GNAQ: variants seen among roughly 807,000 people sequenced by gnomAD.
GNAQ encodes the protein G protein subunit alpha q.
Under a neutral mutation model 43.9 loss-of-function variants are expected in GNAQ, and 8 were observed. The ratio of observed to expected loss-of-function variants is 0.18; its 90% confidence interval spans 0.11 to 0.33. The LOEUF (loss-of-function observed/expected upper bound fraction) is 0.33. GNAQ is among the 10% of genes least tolerant of loss of function. GNAQ has a pLI of 1.00. For missense variants in GNAQ, 158 were observed against 450.8 expected, an observed-to-expected ratio of 0.35 and a Z score of 5.88; for synonymous variants, 155 against 170.7, an observed-to-expected ratio of 0.91 and a Z score of 0.71.
At chr9:77,836,083 A>C (rs1827379733) in intron 2 of GNAQ, among the ~76,000 whole-genome samples, 1 of 152,214 alleles carries the variant, frequency 6.6e-6, no homozygotes, top group Non-Finnish European at 1.5e-5. Context: ...GGCCAAAATA[A>C]CCAATCCAGA....
intron 2 of GNAQ, among the ~76,000 whole-genome samples, chr9:77,915,120 T>C (rs1226759190): frequency 1.3e-5 from 2 of 152,320 alleles, no homozygotes; most frequent in East Asian, 1.9e-4. Flanking sequence ...ATTTTAGAGG[T>C]TGTCTAGTAC....
intron 5 of GNAQ, among the ~76,000 whole-genome samples, chr9:77,775,577 A>AT (rs917718831): frequency 2.0e-4 from 30 of 149,704 alleles, no homozygotes; most frequent in Non-Finnish European, 3.6e-4. Context: ...GCCCAGCTAA[A>AT]TTTTTTTTTG....
chr9:77,943,631 T>A lies in GNAQ; in HGVS notation c.137-21286A>T, dbSNP rs1005980274. 4.7e-5 allele frequency among the ~76,000 whole-genome samples: 7 copies of A among 149,370 alleles called. No homozygotes were observed. In the East Asian group the frequency reaches 9.9e-4, roughly 21 times the overall value. On this transcript the variant is annotated intron_variant, in intron 1 of 6. Coordinates refer to ENST00000286548, the MANE Select transcript of GNAQ (RefSeq NM_002072.5). Reference sequence around the variant, plus strand: ...CTACTACACAAATTGGAAAAAAAAATAAAGTACCTTTATCCTGGAAGTAAC... The same window carrying A: ...CTACTACACAAATTGGAAAAAAAAAAAAAGTACCTTTATCCTGGAAGTAAC...
chr9:77,751,003 C>A (rs1825802616), intron 5 of GNAQ, among the ~76,000 whole-genome samples: 1 of 152,132 alleles, frequency 6.6e-6, no homozygotes, highest in Non-Finnish European at 1.5e-5. Flanking sequence ...AAGTGGAGAC[C>A]CAGCACTGCT....
At chr9:77,973,007 A>G (rs1823256376) in intron 1 of GNAQ, among the ~76,000 whole-genome samples, 1 of 140,594 alleles carries the variant, frequency 7.1e-6, no homozygotes, top group Admixed American at 7.0e-5. Context: ...ACATTTAAAA[A>G]AGAAAGGAAA....
At chr9:77,920,239 T>C (rs1455625038) in intron 2 of GNAQ, among the ~76,000 whole-genome samples, 1 of 152,314 alleles carries the variant, frequency 6.6e-6, no homozygotes, top group East Asian at 1.9e-4. Context: ...CTTTAACATC[T>C]ACATGACTGT....
chr9:77,812,538 CCAG>C (rs1253658146), intron 3 of GNAQ, among the ~76,000 whole-genome samples: 1 of 152,058 alleles, frequency 6.6e-6, no homozygotes, highest in Non-Finnish European at 1.5e-5. Context: ...CTTGAATGTG[CCAG>C]TGAAATGCAA....
chr9:77,761,343 G>A (rs1241582548), intron 5 of GNAQ, among the ~76,000 whole-genome samples: 4 of 124,044 alleles, frequency 3.2e-5, no homozygotes, highest in Admixed American at 8.0e-5. Context: ...CCCCCCGCCC[G>A]GCCAGCCGCC....
chr9:77,905,319 A>G (rs541163990), intron 2 of GNAQ, among the ~76,000 whole-genome samples: 9 of 152,350 alleles, frequency 5.9e-5, no homozygotes, highest in Admixed American at 5.9e-4. Flanking sequence ...TATTGTTCTA[A>G]TAATCTGATT....
At chr9:77,945,183 T>C (rs1822871164) in intron 1 of GNAQ, among the ~76,000 whole-genome samples, 1 of 152,206 alleles carries the variant, frequency 6.6e-6, no homozygotes, top group Non-Finnish European at 1.5e-5. Flanking sequence ...CTGGGGATCA[T>C]CCATCAGATA....
At chr9:77,928,950 G>A (rs935274722) in intron 1 of GNAQ, among the ~76,000 whole-genome samples, 4 of 151,998 alleles carry the variant, frequency 2.6e-5, no homozygotes, top group Non-Finnish European at 4.4e-5. Flanking sequence ...CCAGGGAGGC[G>A]GACATCACAG....
chr9:77,962,243 T>C (rs2118425010), intron 1 of GNAQ, among the ~76,000 whole-genome samples: 1 of 152,146 alleles, frequency 6.6e-6, no homozygotes, highest in Admixed American at 6.5e-5. Context: ...GGTGGGAATA[T>C]AAAAGGAAAA....
intron 2 of GNAQ, among the ~76,000 whole-genome samples, chr9:77,912,342 T>C (rs1028601900): frequency 2.0e-5 from 3 of 152,242 alleles, no homozygotes; most frequent in Admixed American, 1.3e-4. Flanking sequence ...GTTAATTAGA[T>C]ATCCAGATAA....
chr9:77,863,691 A>G (rs1827898844), intron 2 of GNAQ, among the ~76,000 whole-genome samples: 1 of 152,164 alleles, frequency 6.6e-6, no homozygotes, highest in South Asian at 2.1e-4. Context: ...TATAAAAAAA[A>G]AGAGGTTTAA....
chr9:77,867,482 G>A (rs1274488423), intron 2 of GNAQ, among the ~76,000 whole-genome samples: 1 of 152,120 alleles, frequency 6.6e-6, no homozygotes, highest in Non-Finnish European at 1.5e-5. Context: ...CTAAATATAT[G>A]GTAGAGTCTT....
At chr9:77,905,404 C>G (rs1311524757) in intron 2 of GNAQ, among the ~76,000 whole-genome samples, 1 of 152,134 alleles carries the variant, frequency 6.6e-6, no homozygotes, top group Non-Finnish European at 1.5e-5. Context: ...TGGCTGGGCT[C>G]AGGTGTCTGC....
chr9:77,974,752 T>A (rs1426118531), intron 1 of GNAQ, among the ~76,000 whole-genome samples: 1 of 152,232 alleles, frequency 6.6e-6, no homozygotes, highest in Admixed American at 6.5e-5. Context: ...ATGCAAAGGA[T>A]GGCTCAACCT....
intron 5 of GNAQ, among the ~76,000 whole-genome samples, chr9:77,784,003 T>C (rs1174157052): frequency 6.6e-6 from 1 of 152,142 alleles, no homozygotes; most frequent in Admixed American, 6.5e-5. Context: ...TAGAGAAGTA[T>C]GGAATTAAAA....
At chr9:77,825,581 C>T (rs1564122049) in intron 2 of GNAQ, among the ~76,000 whole-genome samples, 3 of 152,208 alleles carry the variant, frequency 2.0e-5, no homozygotes, top group African/African-American at 7.2e-5. Flanking sequence ...GGAATGCCCA[C>T]ACGCTGTCTT....
Sources: allele counts gnomAD v4.1 joint callset (sites outside exome capture counted in the v4.1 genomes callset), GRCh38; gene constraint gnomAD v4.1.1; transcripts MANE v1.5; gene names NCBI Gene and HGNC (gene_info 2026-07-23, HGNC 2026-07-21).